Variants in RYR1 observed in about 807,000 individuals in gnomAD.
RYR1 encodes the protein central core disease of muscle.
In RYR1, 342 loss-of-function variants were observed where a neutral mutation model predicts 583.5. The observed-to-expected ratio is 0.59, with a 90% confidence interval of 0.54 to 0.64. The LOEUF (loss-of-function observed/expected upper bound fraction) is 0.64. Ranked by LOEUF, RYR1 falls within the 30% of genes least tolerant of loss-of-function variation. The pLI is 0.00. For missense variants in RYR1, 6,032 were observed against 6,917.2 expected (o/e 0.87, Z 4.54); for synonymous variants, 2,791 against 2,822.5 (o/e 0.99, Z 0.35).
chr19:38,440,984 G>A, intron 2 of RYR1, 120 bp downstream of exon 2: 1 of 1,174,710 alleles, frequency 8.5e-7, no homozygotes, highest in African/African-American at 1.5e-5. Flanking sequence ...AGAAAGTGAG[G>A]AGGGGGGCTA....
chr19:38,529,670 A>G (rs1971643091), intron 76 of RYR1, among the ~76,000 whole-genome samples: 4 of 152,314 alleles, frequency 2.6e-5, no homozygotes, highest in South Asian at 2.1e-4. Flanking sequence ...AAAAAAATCC[A>G]TATGTATGAC....
At chr19:38,469,250 T>C (rs1355143073) in intron 26 of RYR1, 55 bp from the exon 27 acceptor site, 4 of 1,607,536 alleles carry the variant, frequency 2.5e-6, no homozygotes, top group Non-Finnish European at 3.4e-6. Flanking sequence ...TCCCCTCGGC[T>C]CCCTCTGCCC....
chr19:38,448,593 C>T lies in RYR1; in HGVS notation c.958-56C>T, dbSNP rs528446780. 41 of 1,614,114 alleles carry T rather than the reference C, an allele frequency of 2.5e-5. No homozygotes were observed. The African/African-American group carries it at 3.3e-4, about 13-fold the overall frequency. On this transcript the variant is annotated intron_variant, in intron 10 of 105. Transcript: ENST00000359596. ...TGCACTCTGCAGTCCCTCAGGGGGG[C>T]TCCCCTGCTAAACACACAGGCAGAG...
intron 96 of RYR1, among the ~76,000 whole-genome samples, chr19:38,573,948 T>TA (rs926803798): frequency 2.0e-5 from 3 of 151,164 alleles, no homozygotes; most frequent in African/African-American, 4.9e-5. Context: ...GAGTGCAAAA[T>TA]AAAAAAACAT....
chr19:38,455,909 A>G (rs1417210086), intron 16 of RYR1, among the ~76,000 whole-genome samples, 158 bp downstream of exon 16: 1 of 151,156 alleles, frequency 6.6e-6, no homozygotes, highest in Non-Finnish European at 1.5e-5. Flanking sequence ...AGGGGTCTCA[A>G]ACAATGACTC....
In RYR1 at chr19:38,543,911, G is replaced by A. The variant is rs573669033; in HGVS notation, c.12012+36G>A. ...CTCTGGTCTCCATCCACCTGCTTCC[G>A]GGCGTCCCCCAAGTGGTCCATTTCC... is the stretch of plus-strand genomic sequence containing the variant. On this transcript the variant is annotated intron_variant, in intron 87 of 105. Coordinates refer to ENST00000359596, the MANE Select transcript of RYR1 (RefSeq NM_000540.3). The surrounding 1 kb of genome is among the most constrained non-coding windows in gnomAD (Gnocchi z 4.4). 5.0e-6 allele frequency: 8 copies of A among 1,591,920 alleles called. No individual in the cohort carries two copies. In the South Asian group the frequency reaches 5.6e-5, roughly 11 times the overall value.
intron 58 of RYR1, among the ~76,000 whole-genome samples, chr19:38,508,534 G>T (rs548854139): frequency 9.9e-5 from 15 of 152,174 alleles, no homozygotes; most frequent in African/African-American, 3.6e-4. Flanking sequence ...TTTAAATAGG[G>T]TGTTCCAGAA....
rs371430088 is a variant in RYR1, at chr19:38,577,652, C to T, written c.14173-266C>T. Among the ~76,000 whole-genome samples the T allele has an allele frequency of 3.0e-3, 458 of 152,148 alleles. 11 individuals carry two copies. In the South Asian group the frequency reaches 0.045, roughly 15 times the overall value. On this transcript the variant is annotated intron_variant, in intron 97 of 105. Coordinates refer to ENST00000359596, the MANE Select transcript of RYR1 (RefSeq NM_000540.3). ...TCCCTACTAAAAATACAAAATTAGC[C>T]GGGCATGGTGGTGCATGCCTGTAAT... is the stretch of plus-strand genomic sequence containing the variant.
chr19:38,506,054 T>A, intron 54 of RYR1, 108 bp downstream of exon 54: 1 of 1,397,942 alleles, frequency 7.2e-7, no homozygotes, highest in Non-Finnish European at 9.8e-7. Flanking sequence ...CCCAGGGAGG[T>A]AGGTGGGGCA....
At chr19:38,579,424 CA>C (rs556139705) in intron 99 of RYR1, among the ~76,000 whole-genome samples, 12,074 of 110,762 alleles carry the variant, frequency 0.11, 1,140 homozygotes, top group African/African-American at 0.27. Context: ...GACTCCATCT[CA>C]AAAAAAAAAA....
At chr19:38,478,240 C>T (rs990923453) in intron 30 of RYR1, among the ~76,000 whole-genome samples, 195 bp from the exon 31 acceptor site, 1 of 152,060 alleles carries the variant, frequency 6.6e-6, no homozygotes, top group Non-Finnish European at 1.5e-5. Context: ...CTCCCCACTG[C>T]GCCAGCTGCT....
rs772815823 is a variant in RYR1, at chr19:38,561,467, GCGCGCGTGCAAGCTCGCCT to G, written c.12624+15_12624+33del. Reference sequence around the variant, plus strand: ...GGAGATGCCCCAGGTCAGGGAACCCGCGCGCGTGCAAGCTCGCCTCCTGGGGCTTCGGGCATGCGGGTGC... The same window carrying G: ...GGAGATGCCCCAGGTCAGGGAACCCGCCTGGGGCTTCGGGCATGCGGGTGC... On this transcript the variant is annotated intron_variant, in intron 90 of 105. Coordinates refer to ENST00000359596, the MANE Select transcript of RYR1 (RefSeq NM_000540.3). This position sits in a 1 kb window ranked among gnomAD's most constrained non-coding sequence, Gnocchi z 4.8. 2 of 1,600,912 alleles carry G rather than the reference GCGCGCGTGCAAGCTCGCCT, an allele frequency of 1.2e-6. No individual in the cohort carries two copies. Among genetic ancestry groups the G allele is most frequent in the South Asian group, 2.2e-5 (2 of 90,870 alleles).
In RYR1 at chr19:38,473,367, G is replaced by C; in HGVS notation, c.3766-10G>C. ...TGCCCAGCCCAGTACTCCATTCCCT[G>C]CCACCTCAGGTATCCCGAGTGGACG... On this transcript the variant is annotated splice_polypyrimidine_tract_variant and intron_variant, in intron 27 of 105. Coordinates refer to ENST00000359596, the MANE Select transcript of RYR1 (RefSeq NM_000540.3). 6.2e-7 allele frequency: 1 copy of C among 1,613,654 alleles called. No individual in the cohort carries two copies. The highest frequency in any genetic ancestry group is 8.5e-7 in the Non-Finnish European group (1 of 1,179,938).
Position 38,587,348 on chromosome 19 carries a change from C to T in RYR1, c.15045C>T (p.Tyr5015=). 1.2e-6 allele frequency: 2 copies of T among 1,613,852 alleles called. No homozygotes were observed. Among genetic ancestry groups the T allele is most frequent in the Non-Finnish European group, 1.7e-6 (2 of 1,179,902 alleles). Residue 5015 remains tyrosine (Y), a synonymous_variant, in exon 106 of 106, where the codon TAC becomes TAT. Coordinates refer to ENST00000359596, the MANE Select transcript of RYR1 (RefSeq NM_000540.3). ...TGQESYVWKM[Y]QERCWDFFPA... ...AGGAGTCTTATGTCTGGAAGATGTA[C>T]CAAGAGAGATGTTGGGATTTCTTCC...
At position 38,485,618 on chromosome 19, in the gene RYR1, C is replaced by G; in HGVS notation, c.4963C>G (p.Arg1655Gly). The G allele has an allele frequency of 6.2e-7, 1 of 1,609,776 alleles. No homozygotes were observed. The highest frequency in any genetic ancestry group is 8.5e-7 in the Non-Finnish European group (1 of 1,179,952). ...RCMDILELSERLDLQRFHSHT... is the reference protein window; with the variant it reads ...RCMDILELSEGLDLQRFHSHT... ...CATGGACATCCTGGAGCTGTCGGAG[C>G]GCCTGGACCTGCAGCGCTTCCACTC... Residue 1655 changes from arginine (R) to glycine (G), a missense_variant, in exon 34 of 106, where the codon CGC becomes GGC. Physicochemically the swap from Arg to Gly is moderately radical, Grantham distance 125. This residue lies in a region of RYR1 where 2,627 missense variants were observed against 2,961.3 expected (regional missense o/e 0.89). Coordinates refer to ENST00000359596, the MANE Select transcript of RYR1 (RefSeq NM_000540.3).
chr19:38,523,279 G>T lies in RYR1; in HGVS notation c.10410G>T (p.Leu3470=). The T allele has an allele frequency of 6.2e-7, 1 of 1,614,218 alleles. No homozygotes were observed. The highest frequency in any genetic ancestry group is 1.1e-5 in the South Asian group (1 of 91,080). The change falls in exon 69 of 106, where the codon CTG becomes CTT. Residue 3470 remains leucine (L), a synonymous_variant. Transcript: ENST00000359596. ...ATGAGATCAACAACATGTCCTTCCTGACTGCTGACAACAAAAGCAAAATGG... is the reference window on the plus strand; with the variant it reads ...ATGAGATCAACAACATGTCCTTCCTTACTGCTGACAACAAAAGCAAAATGG... The part of the protein sequence containing the change: ...VQNEINNMSF[L]TADNKSKMAK...
chr19:38,512,116 C>T lies in RYR1; in HGVS notation c.9217C>T (p.Arg3073Cys), dbSNP rs757245142. Reference sequence around the variant, plus strand: ...GGTCAACTGTCTTCACATCCTGGCCCGCTCCCTGGATGCCAGGTAGGGCCA... The same window carrying T: ...GGTCAACTGTCTTCACATCCTGGCCTGCTCCCTGGATGCCAGGTAGGGCCA... Reference protein sequence around the residue: ...AVVNCLHILARSLDARTVMKS... With the variant: ...AVVNCLHILACSLDARTVMKS... The change falls in exon 62 of 106, where the codon CGC becomes TGC. Residue 3073 changes from arginine to cysteine, a missense_variant. Arg to Cys is a radical substitution (Grantham distance 180). Coordinates refer to ENST00000359596, the MANE Select transcript of RYR1 (RefSeq NM_000540.3). The surrounding 1 kb of genome is among the most constrained non-coding windows in gnomAD (Gnocchi z 5.1). 1.1e-5 allele frequency: 18 copies of T among 1,614,052 alleles called. No homozygotes were observed. The East Asian group carries it at 1.6e-4, about 14-fold the overall frequency.
At position 38,490,166 on chromosome 19, in the gene RYR1, C is replaced by A. The variant is rs755882870; in HGVS notation, c.5905C>A (p.Leu1969Ile). ...CTTTGCGGAGCGCTATGTGGACAAG[C>A]TCCAGGCCAACCAGCGGAGCCGCTA... ...AAFAERYVDK[L>I]QANQRSRYGL... is the part of the protein sequence containing the mutation. The change falls in exon 36 of 106, where the codon CTC (leucine) becomes ATC (isoleucine). Residue 1969 changes from leucine (L) to isoleucine (I), a missense_variant. Physicochemically the swap from Leu to Ile is conservative, Grantham distance 5. Transcript: ENST00000359596. 6.2e-7 allele frequency: 1 copy of A among 1,614,246 alleles called. No homozygotes were observed. The highest frequency in any genetic ancestry group is 1.1e-5 in the South Asian group (1 of 91,086).
intron 48 of RYR1, 23 bp downstream of exon 48, chr19:38,502,750 G>T (rs747955407): frequency 4.9e-6 from 6 of 1,236,570 alleles, no homozygotes; most frequent in Non-Finnish European, 6.6e-6. Context: ...AGGCTTCAGG[G>T]TGGGGCAGGG....
Sources: gnomAD v4.1 joint callset for allele counts (sites outside exome capture counted in the v4.1 genomes callset) on GRCh38, gnomAD v4.1.1 for gene constraint, gnomAD v4.1.1 regional missense constraint, Gnocchi (gnomAD v3.1) non-coding constraint, MANE v1.5 for transcripts, NCBI Gene and HGNC (gene_info 2026-07-23, HGNC 2026-07-21) for gene names.